SLC4A8: variants seen among roughly 807,000 people sequenced by gnomAD.
The protein encoded by SLC4A8 is solute carrier family 4 member 8, also known as electroneutral sodium bicarbonate exchanger 1.
Under a neutral mutation model 125.0 loss-of-function variants are expected in SLC4A8, and 40 were observed. The ratio of observed to expected loss-of-function variants is 0.32; its 90% confidence interval spans 0.25 to 0.42. The LOEUF is 0.42. Ranked by LOEUF, SLC4A8 falls within the 10% of genes least tolerant of loss-of-function variation. The pLI, the probability that SLC4A8 is intolerant of heterozygous loss-of-function variation, is 1.00. For synonymous variants in SLC4A8, 456 were observed against 476.0 expected, an observed-to-expected ratio of 0.96 and a Z score of 0.55; for missense variants, 863 against 1,355.1, an observed-to-expected ratio of 0.64 and a Z score of 5.70.
intron 1 of SLC4A8, among the ~76,000 whole-genome samples, chr12:51,397,461 A>G (rs937125780): frequency 6.6e-6 from 1 of 152,204 alleles, no homozygotes; most frequent in Non-Finnish European, 1.5e-5. Context: ...TAAAGAGAAC[A>G]GAGAGGAGAA....
chr12:51,481,598 A>G (rs575554631), intron 16 of SLC4A8, among the ~76,000 whole-genome samples: 9 of 152,228 alleles, frequency 5.9e-5, no homozygotes, highest in Non-Finnish European at 7.4e-5. Context: ...ATGGGAGTAG[A>G]TAAAACTGTG....
Position 51,505,947 on chromosome 12 carries a change from C to T in SLC4A8, c.3269+17C>T. 1 of 1,171,594 alleles carries T rather than the reference C, an allele frequency of 8.5e-7. No individual in the cohort carries two copies. The highest frequency in any genetic ancestry group is 1.9e-4 in the Middle Eastern group (1 of 5,168). 72.6% of individuals were successfully genotyped at this position (1,171,594 alleles called of 1,614,324 possible). A position where few individuals can be genotyped will look rare whatever the true frequency, so the allele number is the denominator to read the frequency against. On this transcript the variant is annotated intron_variant, in intron 24 of 24. Transcript: ENST00000453097. ...GGAAAAGAGGTAAAGAGAACTGTAA[C>T]ATCTGGTTTTTATTTATTTCTGGCT... is the stretch of plus-strand genomic sequence containing the variant.
chr12:51,393,236 T>C (rs1948192176), intron 1 of SLC4A8, among the ~76,000 whole-genome samples: 1 of 152,138 alleles, frequency 6.6e-6, no homozygotes, highest in Non-Finnish European at 1.5e-5. Context: ...TGCTTCAGCC[T>C]CCACAGATGC....
At chr12:51,408,564 G>A (rs530877742) in intron 1 of SLC4A8, among the ~76,000 whole-genome samples, 1 of 152,158 alleles carries the variant, frequency 6.6e-6, no homozygotes, top group Non-Finnish European at 1.5e-5. Flanking sequence ...GAGATGTGGT[G>A]GTGGAGCTTT....
chr12:51,403,353 T>C (rs1948429111), intron 1 of SLC4A8: 2 of 422,598 alleles, frequency 4.7e-6, no homozygotes, highest in Admixed American at 2.5e-5. Context: ...TTCCAGAGTT[T>C]GGGCAGGAGC....
At chr12:51,483,951 A>T (rs1259738252) in intron 16 of SLC4A8, among the ~76,000 whole-genome samples, 38 of 151,818 alleles carry the variant, frequency 2.5e-4, no homozygotes, top group Non-Finnish European at 1.5e-5. Flanking sequence ...AAGTGTTCTC[A>T]TTGTTCAGTT....
intron 1 of SLC4A8, among the ~76,000 whole-genome samples, chr12:51,433,953 G>C (rs1451027521): frequency 6.8e-6 from 1 of 147,128 alleles, no homozygotes; most frequent in African/African-American, 2.5e-5. Context: ...CGGCTCATTA[G>C]AGCCTCCAAC....
intron 1 of SLC4A8, among the ~76,000 whole-genome samples, chr12:51,401,394 G>A (rs1948388716): frequency 6.6e-6 from 1 of 152,146 alleles, no homozygotes; most frequent in Non-Finnish European, 1.5e-5. Context: ...GAGCCAGAAG[G>A]GAGATGGAGT....
intron 1 of SLC4A8, among the ~76,000 whole-genome samples, chr12:51,400,002 C>T (rs1484537207): frequency 6.8e-6 from 1 of 148,066 alleles, no homozygotes; most frequent in Non-Finnish European, 1.5e-5. Context: ...AAAAAAAAAC[C>T]ATGTTGGCAC....
At chr12:51,486,714 A>G (rs931360020) in intron 17 of SLC4A8, among the ~76,000 whole-genome samples, 3 of 152,246 alleles carry the variant, frequency 2.0e-5, no homozygotes, top group Admixed American at 6.5e-5. Flanking sequence ...GAAGGCCGAC[A>G]GGAATAAAGG....
intron 4 of SLC4A8, 65 bp downstream of exon 4, chr12:51,452,324 G>GT: frequency 6.4e-7 from 1 of 1,562,512 alleles, no homozygotes; most frequent in Non-Finnish European, 8.8e-7. Context: ...CCTTCAGCAA[G>GT]TGACAGGCCT....
chr12:51,486,001 C>A, intron 17 of SLC4A8, 101 bp downstream of exon 17: 1 of 686,144 alleles, frequency 1.5e-6, no homozygotes, highest in Non-Finnish European at 2.6e-6. Context: ...CTGAGTTTTA[C>A]AGTCCCCTAA....
intron 1 of SLC4A8, among the ~76,000 whole-genome samples, chr12:51,430,255 A>C (rs1194976274): frequency 6.6e-6 from 1 of 152,102 alleles, no homozygotes; most frequent in Non-Finnish European, 1.5e-5. Flanking sequence ...GCTCTAAGAC[A>C]AGAGTTCTGA....
chr12:51,472,386 AT>A (rs1950724905), intron 14 of SLC4A8, among the ~76,000 whole-genome samples: 1 of 152,192 alleles, frequency 6.6e-6, no homozygotes, highest in East Asian at 1.9e-4. Flanking sequence ...ACTTTCATCT[AT>A]TCTAGTTATT....
intron 10 of SLC4A8, chr12:51,462,709 A>T: frequency 4.3e-6 from 1 of 230,396 alleles, no homozygotes; most frequent in Non-Finnish European, 8.4e-6. Flanking sequence ...CCTGGCCAAC[A>T]TGGTGAAACC....
At chr12:51,475,617 T>C (rs186278508) in intron 16 of SLC4A8, among the ~76,000 whole-genome samples, 229 of 152,344 alleles carry the variant, frequency 1.5e-3, no homozygotes, top group Non-Finnish European at 2.4e-3. Flanking sequence ...CTCCCAGGGA[T>C]GGCTTTTTTA....
chr12:51,474,488 C>A, intron 15 of SLC4A8, 41 bp downstream of exon 15: 1 of 1,597,444 alleles, frequency 6.3e-7, no homozygotes, highest in South Asian at 1.1e-5. Flanking sequence ...ATTGTGACCA[C>A]AGGTTTAGGA....
At chr12:51,446,950 G>A (rs930444754) in intron 2 of SLC4A8, among the ~76,000 whole-genome samples, 2 of 152,212 alleles carry the variant, frequency 1.3e-5, no homozygotes, top group Admixed American at 6.5e-5. Context: ...CAGAATAAGA[G>A]AGATAGCTGC....
At chr12:51,424,810 A>C, upstream of SLC4A8, 1 of 613,726 alleles carries the variant, frequency 1.6e-6, no homozygotes, top group Non-Finnish European at 2.8e-6. Flanking sequence ...CCTCTCGCTG[A>C]TTGGTTGCGG....
Sources: gnomAD v4.1 joint callset for allele counts (sites outside exome capture counted in the v4.1 genomes callset) on GRCh38, gnomAD v4.1.1 for gene constraint, MANE v1.5 for transcripts, NCBI Gene and HGNC (gene_info 2026-07-23, HGNC 2026-07-21) for gene names.